FAT4: variants seen among roughly 807,000 people sequenced by gnomAD.
FAT4 encodes the protein FAT atypical cadherin 4.
FAT4 carries 84 observed loss-of-function variants against 303.9 expected under a neutral mutation model. That is an observed-to-expected ratio of 0.28 (90% confidence interval 0.23 to 0.33). FAT4 has a LOEUF of 0.33. Ranked by LOEUF, FAT4 falls within the 10% of genes least tolerant of loss-of-function variation. The pLI, the probability that FAT4 is intolerant of heterozygous loss-of-function variation, is 1.00. For synonymous variants in FAT4, 2,307 were observed against 2,298.8 expected (o/e 1.00, Z -0.10); for missense variants, 6,005 against 6,146.8 (o/e 0.98, Z 0.77).
chr4:125,346,396 A>C (rs1190320674), intron 2 of FAT4, among the ~76,000 whole-genome samples: 1 of 152,000 alleles, frequency 6.6e-6, no homozygotes, highest in Non-Finnish European at 1.5e-5. Flanking sequence ...CTTGCAGATT[A>C]AAACTTTTAT....
At chr4:125,371,928 A>G (rs1733129218) in intron 2 of FAT4, among the ~76,000 whole-genome samples, 1 of 152,160 alleles carries the variant, frequency 6.6e-6, no homozygotes, top group Non-Finnish European at 1.5e-5. Flanking sequence ...TGGGAATCAC[A>G]TACTCATTGT....
chr4:125,486,772 T>G (rs1358811502), intron 16 of FAT4, among the ~76,000 whole-genome samples: 1 of 152,222 alleles, frequency 6.6e-6, no homozygotes, highest in African/African-American at 2.4e-5. Flanking sequence ...GAATTCACTC[T>G]TTGTTCATCA....
At chr4:125,447,679 G>T (rs999473633) in intron 9 of FAT4, among the ~76,000 whole-genome samples, 1 of 152,032 alleles carries the variant, frequency 6.6e-6, no homozygotes, top group African/African-American at 2.4e-5. Context: ...GCAGGTTTGG[G>T]AATGGTTTCT....
chr4:125,367,555 G>A (rs565271524), intron 2 of FAT4, among the ~76,000 whole-genome samples: 1 of 152,160 alleles, frequency 6.6e-6, no homozygotes, highest in Admixed American at 6.5e-5. Flanking sequence ...AAATACATAG[G>A]AGTCAATATG....
chr4:125,478,248 G>T (rs1476021446), intron 14 of FAT4, among the ~76,000 whole-genome samples: 1 of 151,828 alleles, frequency 6.6e-6, no homozygotes, highest in Non-Finnish European at 1.5e-5. Context: ...CCTACATGTT[G>T]TTACTGTTTT....
At chr4:125,335,543 A>G (rs960140506) in intron 2 of FAT4, among the ~76,000 whole-genome samples, 1 of 152,162 alleles carries the variant, frequency 6.6e-6, no homozygotes, top group Non-Finnish European at 1.5e-5. Context: ...AGTTAATAAT[A>G]TAATTTATAA....
chr4:125,326,698 T>C (rs1377144763), intron 2 of FAT4, among the ~76,000 whole-genome samples: 1 of 152,200 alleles, frequency 6.6e-6, no homozygotes, highest in Admixed American at 6.5e-5. Flanking sequence ...ATGATATATG[T>C]ATGCTTTTTA....
At chr4:125,481,454 T>C in intron 15 of FAT4, 67 bp from the exon 16 acceptor site, 1 of 1,384,686 alleles carries the variant, frequency 7.2e-7, no homozygotes, top group Non-Finnish European at 1.0e-6. Flanking sequence ...TTTTTGTCAC[T>C]ATAGAAAACA....
chr4:125,364,990 C>T (rs1005382143), intron 2 of FAT4, among the ~76,000 whole-genome samples: 55 of 152,196 alleles, frequency 3.6e-4, no homozygotes, highest in African/African-American at 1.3e-3. Flanking sequence ...CCTGGACTAA[C>T]AGTTGATAGT....
chr4:125,441,736 A>T (rs1725666378), intron 8 of FAT4, among the ~76,000 whole-genome samples: 1 of 152,146 alleles, frequency 6.6e-6, no homozygotes, highest in Non-Finnish European at 1.5e-5. Flanking sequence ...TATAACCCCC[A>T]GTCTTCAAAT....
chr4:125,445,509 C>T (rs145215438), intron 8 of FAT4, among the ~76,000 whole-genome samples: 21 of 152,218 alleles, frequency 1.4e-4, no homozygotes, highest in Non-Finnish European at 2.2e-4. Flanking sequence ...TTAAAAATTA[C>T]GGACCATAGC....
intron 2 of FAT4, among the ~76,000 whole-genome samples, chr4:125,391,428 A>G (rs943032836): frequency 6.6e-6 from 1 of 152,118 alleles, no homozygotes; most frequent in Non-Finnish European, 1.5e-5. Flanking sequence ...ACAGAAAACC[A>G]TATTCTGCAT....
intron 2 of FAT4, among the ~76,000 whole-genome samples, chr4:125,336,150 A>G (rs1244679132): frequency 6.6e-6 from 1 of 152,078 alleles, no homozygotes; most frequent in Non-Finnish European, 1.5e-5. Context: ...TTATTAAGGA[A>G]CTGCATTAAA....
intron 10 of FAT4, among the ~76,000 whole-genome samples, chr4:125,462,823 A>G (rs1405513510): frequency 1.3e-5 from 2 of 152,044 alleles, no homozygotes; most frequent in African/African-American, 4.8e-5. Flanking sequence ...CACAGTCTGA[A>G]GACACTTGTT....
intron 2 of FAT4, among the ~76,000 whole-genome samples, chr4:125,329,047 T>A (rs1731267855): frequency 6.6e-6 from 1 of 152,222 alleles, no homozygotes; most frequent in Non-Finnish European, 1.5e-5. Flanking sequence ...TATCAATCTT[T>A]GTTTAGGTCC....
intron 2 of FAT4, among the ~76,000 whole-genome samples, chr4:125,343,046 A>G (rs547209170): frequency 1.1e-4 from 16 of 152,306 alleles, no homozygotes; most frequent in African/African-American, 3.8e-4. Context: ...GCCCAATTTT[A>G]ATGTAATTTA....
intron 2 of FAT4, among the ~76,000 whole-genome samples, chr4:125,367,857 C>A (rs1228837588): frequency 6.6e-6 from 1 of 151,992 alleles, no homozygotes. Flanking sequence ...AACTAACTTA[C>A]CATAGTTTTA....
Position 125,315,444 on chromosome 4 carries a change from A to C in FAT4, c.-546A>C, listed in dbSNP as rs1354785042. On this transcript the variant is annotated 5_prime_UTR_variant, in exon 1 of 18. Transcript: ENST00000394329. Reference sequence around the variant, plus strand: ...GGGCTTCTGACTGGGGCCGCCGGAGAACGACCCCCCCTGGCATGGTGAGGG... The same window carrying C: ...GGGCTTCTGACTGGGGCCGCCGGAGCACGACCCCCCCTGGCATGGTGAGGG... 6.6e-6 allele frequency among the ~76,000 whole-genome samples: 1 copy of C among 152,034 alleles called. No homozygotes were observed.
chr4:125,370,954 T>C (rs188939792), intron 2 of FAT4, among the ~76,000 whole-genome samples: 1 of 152,062 alleles, frequency 6.6e-6, no homozygotes, highest in Non-Finnish European at 1.5e-5. Context: ...GAAACCAGCC[T>C]GGCCAACGTG....
Sources: allele counts gnomAD v4.1 joint callset (sites outside exome capture counted in the v4.1 genomes callset), GRCh38; gene constraint gnomAD v4.1.1; transcripts MANE v1.5; gene names NCBI Gene and HGNC (gene_info 2026-07-23, HGNC 2026-07-21).